Variants in ANKRD33B observed in about 807,000 individuals in gnomAD.
ANKRD33B encodes the protein ankyrin repeat domain 33B, also known as ankyrin repeat domain-containing protein 33B.
In ANKRD33B, 6 loss-of-function variants were observed where a neutral mutation model predicts 21.5. The ratio of observed to expected loss-of-function variants is 0.28; its 90% CI spans 0.15 to 0.55. The LOEUF is 0.55. ANKRD33B is among the 20% of genes least tolerant of loss of function. The probability of loss-of-function intolerance (pLI) is 0.94; values close to 1 mark genes in which losing one functional copy is unlikely to be tolerated. For synonymous variants in ANKRD33B, 347 were observed against 342.4 expected (o/e 1.01, Z -0.15); for missense variants, 698 against 747.2 (o/e 0.93, Z 0.77).
Position 10,656,074 on chromosome 5 carries a change from C to T in ANKRD33B, c.*5961C>T, listed in dbSNP as rs3733762. On this transcript the variant is annotated 3_prime_UTR_variant, in exon 4 of 4. Transcript: ENST00000296657. Reference sequence around the variant, plus strand: ...CCTCTCAAGACACTGCTTGCATCTTCCCTCCACGCCTCTCGGTGCATTTGG... The same window carrying T: ...CCTCTCAAGACACTGCTTGCATCTTTCCTCCACGCCTCTCGGTGCATTTGG... 49,317 of 152,084 alleles carry T rather than the reference C, an allele frequency of 0.32. 7,997 individuals are homozygous for T. The highest frequency in any genetic ancestry group is 0.37 in the African/African-American group (15,446 of 41,428). 9.4% of individuals were successfully genotyped at this position (152,084 alleles called of 1,614,324 possible). A position where few individuals can be genotyped will look rare whatever the true frequency, so the allele number is the denominator to read the frequency against.
At chr5:10,641,418 G>A (rs544115159) in intron 3 of ANKRD33B, among the ~76,000 whole-genome samples, 8 of 151,686 alleles carry the variant, frequency 5.3e-5, no homozygotes, top group East Asian at 1.9e-4. Flanking sequence ...TAGTAGAGAC[G>A]GTGTTTCACC....
At position 10,650,194 on chromosome 5, in the gene ANKRD33B, C is replaced by T. The variant is rs551894016; in HGVS notation, c.*81C>T. On this transcript the variant is annotated 3_prime_UTR_variant, in exon 4 of 4. Coordinates refer to ENST00000296657, the MANE Select transcript of ANKRD33B (RefSeq NM_001164440.2). ...CTGGGCGCGGAGAAGGAGGCGGCCC[C>T]GTTGCGCATCGCACCACTTCCGCTC... The T allele has an allele frequency of 1.1e-4, 144 of 1,351,004 alleles. No homozygotes were observed. The highest frequency in any genetic ancestry group is 1.3e-4 in the Non-Finnish European group (138 of 1,042,658). The allele number at this position is 1,351,004 out of a possible 1,614,324, so 83.7% of individuals were successfully genotyped here. A position where few individuals can be genotyped will look rare whatever the true frequency, so the allele number is the denominator to read the frequency against.
intron 1 of ANKRD33B, among the ~76,000 whole-genome samples, chr5:10,596,813 C>T (rs151267232): frequency 0.02 from 3,058 of 152,140 alleles, 69 homozygotes; most frequent in African/African-American, 0.053. Flanking sequence ...CCAGGTTACC[C>T]ACAAAGAGAA....
chr5:10,647,050 A>G (rs973001762), intron 3 of ANKRD33B, among the ~76,000 whole-genome samples: 1 of 152,112 alleles, frequency 6.6e-6, no homozygotes, highest in South Asian at 2.1e-4. Flanking sequence ...TAATTGCCCT[A>G]GTTCTCCATG....
rs1009915428 is a variant in ANKRD33B at position 10,654,817 on chromosome 5, C to T, written c.*4704C>T. On this transcript the variant is annotated 3_prime_UTR_variant, in exon 4 of 4. Coordinates refer to ENST00000296657, the MANE Select transcript of ANKRD33B (RefSeq NM_001164440.2). ...GAACTAAGAGTGACAATTTTTTCTACTTGCTTCTGTGAATAAAGTGTTCTA... is the reference window on the plus strand; with the variant it reads ...GAACTAAGAGTGACAATTTTTTCTATTTGCTTCTGTGAATAAAGTGTTCTA... The T allele has an allele frequency of 1.3e-5, 2 of 152,598 alleles. No homozygotes were observed. The highest frequency in any genetic ancestry group is 2.9e-5 in the Non-Finnish European group (2 of 68,060). The allele number at this position is 152,598 out of a possible 1,614,324, so 9.5% of individuals were successfully genotyped here. A position where few individuals can be genotyped will look rare whatever the true frequency, so the allele number is the denominator to read the frequency against.
chr5:10,635,433 C>T (rs539122022), intron 2 of ANKRD33B, among the ~76,000 whole-genome samples: 3 of 152,218 alleles, frequency 2.0e-5, no homozygotes, highest in Admixed American at 6.5e-5. Flanking sequence ...TAGTAAAGGA[C>T]GAGGGAGAGC....
chr5:10,651,929 G>A lies in ANKRD33B; in HGVS notation c.*1816G>A, dbSNP rs6894464. On this transcript the variant is annotated 3_prime_UTR_variant, in exon 4 of 4. Coordinates refer to ENST00000296657, the MANE Select transcript of ANKRD33B (RefSeq NM_001164440.2). The stretch of plus-strand genomic sequence containing the variant: ...AGTGAGTTCCTCCTTAATCCCAGAA[G>A]GGCACCATGATGAATGCCACAGGAG... The A allele has an allele frequency of 0.31, 46,517 of 152,268 alleles. 7,049 individuals are homozygous for A. The highest frequency in any genetic ancestry group is 0.32 in the Non-Finnish European group (21,652 of 68,006). 9.4% of individuals were successfully genotyped at this position (152,268 alleles called of 1,614,324 possible).
chr5:10,618,236 C>T (rs1158093669), intron 1 of ANKRD33B, 97 bp from the exon 2 acceptor site: 1 of 1,475,002 alleles, frequency 6.8e-7, no homozygotes, highest in East Asian at 2.5e-5. Flanking sequence ...CCTTGTCCAG[C>T]CCCCTGGAGG....
chr5:10,599,656 T>C (rs1311783315), intron 1 of ANKRD33B, among the ~76,000 whole-genome samples: 1 of 152,264 alleles, frequency 6.6e-6, no homozygotes, highest in Non-Finnish European at 1.5e-5. Flanking sequence ...TTATAAAATG[T>C]ATCAGAATTT....
chr5:10,606,118 T>G (rs1736040510), intron 1 of ANKRD33B, among the ~76,000 whole-genome samples: 1 of 152,316 alleles, frequency 6.6e-6, no homozygotes. Context: ...GGTATATACA[T>G]GAAGTTGGCA....
At chr5:10,587,173 C>T (rs1273528098) in intron 1 of ANKRD33B, among the ~76,000 whole-genome samples, 1 of 152,136 alleles carries the variant, frequency 6.6e-6, no homozygotes, top group Non-Finnish European at 1.5e-5. Context: ...CGCCACCATG[C>T]CCGGCTGATT....
intron 1 of ANKRD33B, among the ~76,000 whole-genome samples, chr5:10,578,887 C>T (rs771248930): frequency 2.6e-5 from 4 of 152,038 alleles, no homozygotes; most frequent in Admixed American, 6.6e-5. Context: ...CTTGGCTGGG[C>T]GCAGTGGCTC....
intron 3 of ANKRD33B, among the ~76,000 whole-genome samples, chr5:10,645,221 G>A (rs1261369295): frequency 6.6e-6 from 1 of 152,234 alleles, no homozygotes; most frequent in African/African-American, 2.4e-5. Flanking sequence ...GGGAGGCAGT[G>A]AGGGCTGGTC....
chr5:10,574,853 G>C (rs1560960567), intron 1 of ANKRD33B, among the ~76,000 whole-genome samples: 10 of 57,240 alleles, frequency 1.7e-4, no homozygotes, highest in Non-Finnish European at 4.0e-4. Flanking sequence ...GCTGAAGCGG[G>C]AGAGCTGCTT....
chr5:10,635,386 G>A (rs1353137433), intron 2 of ANKRD33B, among the ~76,000 whole-genome samples: 3 of 152,166 alleles, frequency 2.0e-5, no homozygotes, highest in East Asian at 3.8e-4. Flanking sequence ...CAGCAGCTCT[G>A]GGTACCTGAC....
chr5:10,636,550 C>T (rs1736870981), intron 2 of ANKRD33B, among the ~76,000 whole-genome samples: 1 of 152,138 alleles, frequency 6.6e-6, no homozygotes, highest in African/African-American at 2.4e-5. Flanking sequence ...CCAGGAGGTC[C>T]ACACTACAGT....
rs369965461 is a variant in ANKRD33B at position 10,617,436 on chromosome 5, C to CT, written c.367-892dup. ...CGAAACTCTGGGGTCATCCTGGACTCTTTTTCTATTCAACCTCACCTCCAT... is the reference window on the plus strand; with the variant it reads ...CGAAACTCTGGGGTCATCCTGGACTCTTTTTTCTATTCAACCTCACCTCCAT... On this transcript the variant is annotated intron_variant, in intron 1 of 3. Coordinates refer to ENST00000296657, the MANE Select transcript of ANKRD33B (RefSeq NM_001164440.2). 1.3e-3 allele frequency among the ~76,000 whole-genome samples: 193 copies of CT among 152,364 alleles called. 3 individuals carry two copies. Among genetic ancestry groups the CT allele is most frequent in the African/African-American group, 3.8e-3 (156 of 41,586 alleles).
chr5:10,622,794 C>CTTT (rs1436392852), intron 2 of ANKRD33B, among the ~76,000 whole-genome samples: 19 of 78,598 alleles, frequency 2.4e-4, no homozygotes, highest in African/African-American at 1.1e-3. Flanking sequence ...TTTGTTTTTG[C>CTTT]TTTATTTTAT....
intron 3 of ANKRD33B, among the ~76,000 whole-genome samples, chr5:10,642,694 T>C (rs1257337667): frequency 6.6e-6 from 1 of 152,128 alleles, no homozygotes; most frequent in Non-Finnish European, 1.5e-5. Context: ...TTCGGACATG[T>C]TGGTTGTGAT....
Sources: gnomAD v4.1 joint callset for allele counts (sites outside exome capture counted in the v4.1 genomes callset) on GRCh38, gnomAD v4.1.1 for gene constraint, MANE v1.5 for transcripts, NCBI Gene and HGNC (gene_info 2026-07-23, HGNC 2026-07-21) for gene names.